Variants in ERN1 observed in about 807,000 individuals in gnomAD.
ERN1 encodes serine/threonine-protein kinase/endoribonuclease IRE1.
A neutral mutation model predicts 113.1 loss-of-function variants in ERN1; 39 were observed. The observed-to-expected ratio is 0.34, with a 90% CI of 0.27 to 0.45. The LOEUF is 0.45. Among genes scored for constraint, ERN1 ranks in the 20% least tolerant of loss-of-function variants. The pLI, the probability that ERN1 is intolerant of heterozygous loss-of-function variation, is 1.00. For missense variants in ERN1, 976 were observed against 1,274.8 expected (o/e 0.77, Z 3.57); for synonymous variants, 507 against 515.9 (o/e 0.98, Z 0.23).
At position 64,041,845 on chromosome 17, in the gene ERN1, T is replaced by C. The variant is rs1054505764; in HGVS notation, c.*2143A>G. 4 of 152,196 alleles carry C rather than the reference T, an allele frequency of 2.6e-5. No homozygotes were observed. The highest frequency in any genetic ancestry group is 5.9e-5 in the Non-Finnish European group (4 of 68,040). 9.4% of individuals were successfully genotyped at this position (152,196 alleles called of 1,614,324 possible). A position where few individuals can be genotyped will look rare whatever the true frequency, so the allele number is the denominator to read the frequency against. ...CAATACACTAAGTGCTCAAATAAAA[T>C]ACATTGAATAAATGATTTTGAGAAA... On this transcript the variant is annotated 3_prime_UTR_variant, in exon 22 of 22. Coordinates refer to ENST00000433197, the MANE Select transcript of ERN1 (RefSeq NM_001433.5).
intron 1 of ERN1, among the ~76,000 whole-genome samples, chr17:64,117,190 C>T (rs894553435): frequency 6.6e-6 from 1 of 151,804 alleles, no homozygotes; most frequent in African/African-American, 2.4e-5. Context: ...TGCCTGTAAC[C>T]CCAGCACTTT....
chr17:64,061,876 G>A (rs1913066284), intron 10 of ERN1, among the ~76,000 whole-genome samples: 1 of 152,222 alleles, frequency 6.6e-6, no homozygotes, highest in Non-Finnish European at 1.5e-5. Context: ...CACCCACTCA[G>A]TGCTCAGGGT....
chr17:64,104,937 T>C (rs770214597), intron 1 of ERN1, among the ~76,000 whole-genome samples: 3 of 152,104 alleles, frequency 2.0e-5, no homozygotes, highest in Non-Finnish European at 2.9e-5. Context: ...CAGTGATCTA[T>C]ACTTAACGAG....
chr17:64,087,563 C>A (rs1672029555), intron 2 of ERN1, among the ~76,000 whole-genome samples: 1 of 152,136 alleles, frequency 6.6e-6, no homozygotes, highest in African/African-American at 2.4e-5. Flanking sequence ...TGGGTTGGCC[C>A]TTTTGAAAAG....
In ERN1 at chr17:64,044,145, G is replaced by T; in HGVS notation, c.2777C>A (p.Pro926His). The change falls in exon 22 of 22, where the codon CCC becomes CAC. Residue 926 changes from proline to histidine, a missense_variant. Pro to His is a moderately conservative substitution (Grantham distance 77). Coordinates refer to ENST00000433197, the MANE Select transcript of ERN1 (RefSeq NM_001433.5). This position sits in a 1 kb window ranked among gnomAD's most constrained non-coding sequence, Gnocchi z 4.1. The part of the protein sequence containing the change: ...AEVRETLGSL[P>H]DDFVCYFTSR... ...TGTGAAGTAGCACACGAAGTCGTCG[G>T]GGAGGGACCCCAGCGTCTCCCGCAC... The T allele has an allele frequency of 6.2e-7, 1 of 1,604,140 alleles. No individual in the cohort carries two copies. The highest frequency in any genetic ancestry group is 8.5e-7 in the Non-Finnish European group (1 of 1,173,934).
intron 5 of ERN1, among the ~76,000 whole-genome samples, chr17:64,072,332 C>T (rs1285738312): frequency 6.6e-6 from 1 of 152,186 alleles, no homozygotes; most frequent in Non-Finnish European, 1.5e-5. Context: ...CCTCCAAACC[C>T]AATAACATAA....
chr17:64,081,316 C>A (rs986756801), intron 2 of ERN1, among the ~76,000 whole-genome samples: 1 of 152,188 alleles, frequency 6.6e-6, no homozygotes, highest in Non-Finnish European at 1.5e-5. Context: ...AATTCTAGAG[C>A]CTCCAAGTGT....
chr17:64,093,298 C>G (rs1914138903), intron 2 of ERN1, among the ~76,000 whole-genome samples: 1 of 152,162 alleles, frequency 6.6e-6, no homozygotes, highest in Non-Finnish European at 1.5e-5. Context: ...CTCTGAATCC[C>G]TCTTTGAGAC....
At chr17:64,062,687 G>A (rs992089523) in intron 10 of ERN1, among the ~76,000 whole-genome samples, 5 of 152,126 alleles carry the variant, frequency 3.3e-5, no homozygotes, top group Non-Finnish European at 7.3e-5. Flanking sequence ...GGCAGTCTGT[G>A]AGCCCCTTAA....
At position 64,098,249 on chromosome 17, in the gene ERN1, G is replaced by A. The variant is rs371550066; in HGVS notation, c.55-8C>T. 23 of 1,613,672 alleles carry A rather than the reference G, an allele frequency of 1.4e-5. No individual in the cohort carries two copies. The African/African-American group carries it at 2.0e-4, about 14-fold the overall frequency. Reference sequence around the variant, plus strand: ...GCTGGTACTTCCAAAAATCTGCAACGAGATGTAGAAGACTCTTAATGTTGA... The same window carrying A: ...GCTGGTACTTCCAAAAATCTGCAACAAGATGTAGAAGACTCTTAATGTTGA... On this transcript the variant is annotated splice_polypyrimidine_tract_variant and splice_region_variant and intron_variant, in intron 1 of 21. Coordinates refer to ENST00000433197, the MANE Select transcript of ERN1 (RefSeq NM_001433.5).
intron 4 of ERN1, among the ~76,000 whole-genome samples, chr17:64,075,570 T>C (rs980586874): frequency 5.9e-5 from 9 of 152,120 alleles, no homozygotes; most frequent in African/African-American, 2.2e-4. Flanking sequence ...GTAGCTGGGA[T>C]TACAGGCATG....
chr17:64,052,802 C>T lies in ERN1; in HGVS notation c.2231G>A (p.Ser744Asn). 1 of 1,614,006 alleles carries T rather than the reference C, an allele frequency of 6.2e-7. No individual in the cohort carries two copies. Among genetic ancestry groups the T allele is most frequent in the Non-Finnish European group, 8.5e-7 (1 of 1,179,880 alleles). ...CACAGGGTTCTCCTTACAGTCTTCGCTCAGCATCTCTGGAGCGATCCAGCC... is the reference window on the plus strand; with the variant it reads ...CACAGGGTTCTCCTTACAGTCTTCGTTCAGCATCTCTGGAGCGATCCAGCC... ...TEGWIAPEML[S>N]EDCKENPTYT... Residue 744 changes from serine (S) to asparagine (N), a missense_variant, in exon 17 of 22, where the codon AGC becomes AAC. Transcript: ENST00000433197.
In ERN1 at chr17:64,060,500, G is replaced by A. The variant is rs1251188252; in HGVS notation, c.1175C>T (p.Pro392Leu). 1 of 1,613,610 alleles carries A rather than the reference G, an allele frequency of 6.2e-7. No individual in the cohort carries two copies. Among genetic ancestry groups the A allele is most frequent in the Non-Finnish European group, 8.5e-7 (1 of 1,179,682 alleles). Residue 392 changes from proline to leucine, a missense_variant, in exon 11 of 22, where the codon CCT (proline) becomes CTT (leucine). Pro to Leu is a moderately conservative substitution (Grantham distance 98). This residue lies in a region of ERN1 where 459 missense variants were observed against 581.2 expected (regional missense o/e 0.79). Transcript: ENST00000433197. ...NLPKHRENVIPADSEKKSFEE... is the reference protein window; with the variant it reads ...NLPKHRENVILADSEKKSFEE... ...AAAGCTCTTTTTCTCTGAATCAGCA[G>A]GAATCACATTTTCCCGATGTTTGGG... is the stretch of plus-strand genomic sequence containing the variant.
chr17:64,090,129 G>A (rs1598072669), intron 2 of ERN1, among the ~76,000 whole-genome samples: 1 of 152,290 alleles, frequency 6.6e-6, no homozygotes, highest in East Asian at 1.9e-4. Context: ...TTTTAAGACA[G>A]AAAGTCTCAA....
At position 64,043,293 on chromosome 17, in the gene ERN1, G is replaced by A. The variant is rs1342829004; in HGVS notation, c.*695C>T. 2.0e-5 allele frequency: 3 copies of A among 152,526 alleles called. No homozygotes were observed. The highest frequency in any genetic ancestry group is 2.1e-4 in the South Asian group (1 of 4,826). 9.4% of individuals were successfully genotyped at this position (152,526 alleles called of 1,614,324 possible). A position where few individuals can be genotyped will look rare whatever the true frequency, so the allele number is the denominator to read the frequency against. On this transcript the variant is annotated 3_prime_UTR_variant, in exon 22 of 22. Transcript: ENST00000433197. The stretch of plus-strand genomic sequence containing the variant: ...GTTCTGGCCACTGGCACTGGGCCAC[G>A]GCTGCCTCCAGAACAGAGCAGCCTC...
intron 16 of ERN1, 118 bp from the exon 17 acceptor site, chr17:64,053,097 G>C: frequency 1.0e-6 from 1 of 956,200 alleles, no homozygotes; most frequent in South Asian, 1.7e-5. Flanking sequence ...CAAATGTTCT[G>C]ATTTTCAACT....
intron 4 of ERN1, among the ~76,000 whole-genome samples, chr17:64,078,292 T>C (rs1913660205): frequency 6.6e-6 from 1 of 152,216 alleles, no homozygotes; most frequent in Non-Finnish European, 1.5e-5. Context: ...ATGGAACATC[T>C]TTTCATATGT....
At position 64,041,362 on chromosome 17, in the gene ERN1, A is replaced by G. The variant is rs1431800541; in HGVS notation, c.*2626T>C. ...CTCAACAGCCTTCCAGGATTGGAGA[A>G]GTCCCATAACCTGAACTACAGACCA... On this transcript the variant is annotated 3_prime_UTR_variant, in exon 22 of 22. Transcript: ENST00000433197. 6.6e-6 allele frequency: 1 copy of G among 152,272 alleles called. No homozygotes were observed. The highest frequency in any genetic ancestry group is 1.9e-4 in the East Asian group (1 of 5,208). The allele number at this position is 152,272 out of a possible 1,614,324, so 9.4% of individuals were successfully genotyped here. A position where few individuals can be genotyped will look rare whatever the true frequency, so the allele number is the denominator to read the frequency against.
At chr17:64,124,728 A>G (rs1198409312) in intron 1 of ERN1, among the ~76,000 whole-genome samples, 1 of 152,210 alleles carries the variant, frequency 6.6e-6, no homozygotes, top group Non-Finnish European at 1.5e-5. Flanking sequence ...ATGAAAATGG[A>G]CTAATACAAT....
Sources: gnomAD v4.1 joint callset for allele counts (sites outside exome capture counted in the v4.1 genomes callset) on GRCh38, gnomAD v4.1.1 for gene constraint, gnomAD v4.1.1 regional missense constraint, Gnocchi (gnomAD v3.1) non-coding constraint, MANE v1.5 for transcripts, NCBI Gene and HGNC (gene_info 2026-07-23, HGNC 2026-07-21) for gene names.